TRMT11: variants seen among roughly 807,000 people sequenced by gnomAD.
TRMT11 encodes the protein tRNA (guanine(10)-N(2))-methyltransferase TRMT11.
In TRMT11, 53 loss-of-function variants were observed where a neutral mutation model predicts 62.8. The observed-to-expected ratio is 0.84, with a 90% confidence interval of 0.68 to 1.06. The LOEUF (loss-of-function observed/expected upper bound fraction) is 1.06, where lower values mean the gene tolerates loss of function less well. Ranked by LOEUF, TRMT11 falls within the 50% of genes least tolerant of loss-of-function variation. The pLI, the probability that TRMT11 is intolerant of heterozygous loss-of-function variation, is 0.00. For missense variants in TRMT11, 556 were observed against 553.4 expected, an observed-to-expected ratio of 1.00 and a Z score of -0.05; for synonymous variants, 188 against 190.3, an observed-to-expected ratio of 0.99 and a Z score of 0.10.
chr6:126,193,666 C>A (rs866235458), intron 1 of TRMT11, among the ~76,000 whole-genome samples: 2 of 151,134 alleles, frequency 1.3e-5, no homozygotes, highest in Middle Eastern at 3.2e-3. Flanking sequence ...CTAATTTTTT[C>A]TATTTTTTAG....
chr6:126,068,062 T>A (rs995007304), intron 17 of TRMT11, among the ~76,000 whole-genome samples: 4 of 152,178 alleles, frequency 2.6e-5, no homozygotes, highest in African/African-American at 7.2e-5. Context: ...CTCCTAATGA[T>A]GAGAACCTCT....
At chr6:126,129,936 C>T (rs1234442133) in intron 21 of TRMT11, among the ~76,000 whole-genome samples, 2 of 151,932 alleles carry the variant, frequency 1.3e-5, no homozygotes, top group Non-Finnish European at 2.9e-5. Context: ...GTAGAGACTT[C>T]GGTGTTTGCC....
rs1175958512 is a variant in TRMT11, at chr6:126,082,620, A to C, written c.*1437+29430A>C. ...TGATCTACTTTATGTCAGGTTTCTC[A>C]GTGTTCTAGTTTTGAGCCAGGAAAC... is the stretch of plus-strand genomic sequence containing the variant. On this transcript the variant is annotated intron_variant and NMD_transcript_variant, in intron 17 of 22. Transcript: ENST00000648977. Among the ~76,000 whole-genome samples the C allele has an allele frequency of 2.6e-5, 4 of 152,142 alleles. No individual in the cohort carries two copies. The East Asian group carries it at 7.7e-4, about 29-fold the overall frequency.
chr6:125,986,739 C>A, intron 1 of TRMT11, 117 bp downstream of exon 1: 1 of 992,786 alleles, frequency 1.0e-6, no homozygotes, highest in Admixed American at 2.5e-5. Flanking sequence ...CTTCGCTGGT[C>A]TGCGCGGGTC....
At chr6:126,042,233 G>A (rs886069935), downstream of TRMT11, among the ~76,000 whole-genome samples, 1 of 152,180 alleles carries the variant, frequency 6.6e-6, no homozygotes, top group African/African-American at 2.4e-5. Flanking sequence ...CCTTTGGGGT[G>A]AAAAACTAGG....
chr6:126,198,153 T>C (rs1778689217), intron 1 of TRMT11, among the ~76,000 whole-genome samples: 2 of 152,112 alleles, frequency 1.3e-5, no homozygotes, highest in African/African-American at 2.4e-5. Flanking sequence ...ATTACTGCCA[T>C]CTCTTTACTG....
chr6:126,230,180 AG>A, the TRMT11 span, among the ~76,000 whole-genome samples: 839 of 152,334 alleles, frequency 5.5e-3, 3 homozygotes, highest in Admixed American at 8.7e-3. Context: ...CAGGCTGCAC[AG>A]GAGCACCTAA....
chr6:126,041,797 A>G (rs1775886660), downstream of TRMT11, among the ~76,000 whole-genome samples: 1 of 152,186 alleles, frequency 6.6e-6, no homozygotes, highest in Non-Finnish European at 1.5e-5. Flanking sequence ...CTTGACCAAA[A>G]GAGAATAAAT....
chr6:126,109,728 C>T (rs1305688364), intron 17 of TRMT11, among the ~76,000 whole-genome samples: 3 of 152,168 alleles, frequency 2.0e-5, no homozygotes, highest in African/African-American at 7.2e-5. Context: ...TGGTGCCTGG[C>T]ACATACATTT....
At chr6:126,268,056 A>G in the TRMT11 span, among the ~76,000 whole-genome samples, 1 of 152,218 alleles carries the variant, frequency 6.6e-6, no homozygotes, top group Non-Finnish European at 1.5e-5. Context: ...CAGTCCCATC[A>G]TTTATGCTCC....
intron 9 of TRMT11, among the ~76,000 whole-genome samples, chr6:126,012,392 T>C (rs1794348650): frequency 6.6e-6 from 1 of 152,202 alleles, no homozygotes; most frequent in African/African-American, 2.4e-5. Context: ...TTCAGTAAAT[T>C]GATAAAATAC....
intron 17 of TRMT11, among the ~76,000 whole-genome samples, chr6:126,098,367 A>G (rs1431383323): frequency 6.6e-6 from 1 of 152,194 alleles, no homozygotes; most frequent in Non-Finnish European, 1.5e-5. Flanking sequence ...TAAATTTTGA[A>G]GAATAATTCT....
chr6:126,002,104 TC>T (rs911736770), intron 7 of TRMT11, among the ~76,000 whole-genome samples: 3 of 152,160 alleles, frequency 2.0e-5, no homozygotes, highest in African/African-American at 7.2e-5. Flanking sequence ...CAGTCATTTT[TC>T]CAAGGAATTT....
Position 126,149,570 on chromosome 6 carries a change from C to T in TRMT11, c.*1824-25255C>T, listed in dbSNP as rs537890568. 3.4e-4 allele frequency among the ~76,000 whole-genome samples: 52 copies of T among 152,308 alleles called. 2 individuals carry two copies. In the South Asian group the frequency reaches 0.011, roughly 31 times the overall value. On this transcript the variant is annotated intron_variant and NMD_transcript_variant, in intron 21 of 22. Coordinates refer to the TRMT11 transcript ENST00000648977. ...AAATGAGAGAGCTGAGATTAACCCT[C>T]TTACCAAACTCAAGTTAGGTATATG...
At chr6:126,110,125 C>G (rs924694028) in intron 17 of TRMT11, among the ~76,000 whole-genome samples, 1 of 152,276 alleles carries the variant, frequency 6.6e-6, no homozygotes, top group Non-Finnish European at 1.5e-5. Flanking sequence ...ACCTGAGACT[C>G]TTAATCAGCA....
intron 17 of TRMT11, among the ~76,000 whole-genome samples, chr6:126,101,244 G>A (rs1777396436): frequency 6.6e-6 from 1 of 152,012 alleles, no homozygotes; most frequent in Non-Finnish European, 1.5e-5. Context: ...TAGTCGAGGG[G>A]GCAGTTCCCA....
chr6:126,192,635 A>C (rs1778616649), intron 1 of TRMT11, among the ~76,000 whole-genome samples: 1 of 152,128 alleles, frequency 6.6e-6, no homozygotes, highest in African/African-American at 2.4e-5. Flanking sequence ...CAATTTGTCA[A>C]AAGTTTTTAT....
chr6:126,025,572 G>A (rs1160594040), intron 12 of TRMT11, among the ~76,000 whole-genome samples: 1 of 152,138 alleles, frequency 6.6e-6, no homozygotes, highest in Non-Finnish European at 1.5e-5. Context: ...AATTAATCAT[G>A]TTTGGTTTTT....
intron 17 of TRMT11, among the ~76,000 whole-genome samples, chr6:126,074,042 CCAGGTCCCTCCCAT>C (rs1262771000): frequency 1.3e-5 from 2 of 152,134 alleles, no homozygotes; most frequent in African/African-American, 4.8e-5. Flanking sequence ...TGACCTCCCA[CCAGGTCCCTCCCAT>C]GACACGTGGG....
Sources: allele counts gnomAD v4.1 joint callset (sites outside exome capture counted in the v4.1 genomes callset), GRCh38; gene constraint gnomAD v4.1.1; transcripts MANE v1.5; gene names NCBI Gene and HGNC (gene_info 2026-07-23, HGNC 2026-07-21).